SLC17A9: variants seen among roughly 807,000 people sequenced by gnomAD.
SLC17A9 encodes solute carrier family 17 member 9.
Under a neutral mutation model 55.0 loss-of-function variants are expected in SLC17A9, and 49 were observed. The observed-to-expected ratio is 0.89, with a 90% CI of 0.71 to 1.13. The LOEUF is 1.13. SLC17A9 is among the 50% of genes most tolerant of loss of function. The pLI is 0.00. For missense variants in SLC17A9, 526 were observed against 569.3 expected (o/e 0.92, Z 0.77); for synonymous variants, 256 against 247.4 (o/e 1.03, Z -0.32).
intron 6 of SLC17A9, 46 bp from the exon 7 acceptor site, chr20:62,963,538 C>A (rs1442188412): frequency 3.9e-6 from 6 of 1,558,012 alleles, no homozygotes; most frequent in Non-Finnish European, 5.2e-6. Context: ...CAGGCCCGGC[C>A]AGCTCGTGCG....
chr20:62,953,390 T>A, intron 1 of SLC17A9: 1 of 1,279,788 alleles, frequency 7.8e-7, no homozygotes, highest in Non-Finnish European at 1.1e-6. Flanking sequence ...GAGCATTTGG[T>A]GGTGGGGAGA....
At chr20:62,952,924 G>T (rs1170947144) in intron 1 of SLC17A9, 35 bp downstream of exon 1, 17 of 1,411,272 alleles carry the variant, frequency 1.2e-5, no homozygotes, top group Non-Finnish European at 1.3e-5. Context: ...GGGTGGGAGC[G>T]GTGGAGATGG....
chr20:62,956,859 A>G lies in SLC17A9; in HGVS notation c.154A>G (p.Ser52Gly), dbSNP rs2065540988. The change falls in exon 2 of 13, where the codon AGC becomes GGC. Residue 52 changes from serine to glycine, a missense_variant. Transcript: ENST00000370351. ...SSMPICTVSM[S>G]QDFGWNKKEA... is the part of the protein sequence containing the mutation. ...CATGCCCATCTGCACCGTCTCCATG[A>G]GCCAGGACTTCGGCTGGAACAAGAA... is the stretch of plus-strand genomic sequence containing the variant. 6.2e-7 allele frequency: 1 copy of G among 1,613,394 alleles called. No homozygotes were observed. The highest frequency in any genetic ancestry group is 8.5e-7 in the Non-Finnish European group (1 of 1,180,020).
rs1043453384 is a variant in SLC17A9 at position 62,969,578 on chromosome 20, G to T, written c.*2078G>T. ...TTTTTAAGGCTGAATAAAATATTGT[G>T]TGGATAAGCCATGTTTTGTGTATCT... is the stretch of plus-strand genomic sequence containing the variant. On this transcript the variant is annotated 3_prime_UTR_variant, in exon 13 of 13. Coordinates refer to ENST00000370351, the MANE Select transcript of SLC17A9 (RefSeq NM_022082.4). The T allele has an allele frequency of 4.6e-5, 7 of 152,224 alleles. No homozygotes were observed. The highest frequency in any genetic ancestry group is 1.7e-4 in the African/African-American group (7 of 41,456). The allele number at this position is 152,224 out of a possible 1,614,324, so 9.4% of individuals were successfully genotyped here. A position where few individuals can be genotyped will look rare whatever the true frequency, so the allele number is the denominator to read the frequency against.
intron 4 of SLC17A9, among the ~76,000 whole-genome samples, chr20:62,960,973 C>A (rs892679924): frequency 6.6e-6 from 1 of 152,252 alleles, no homozygotes; most frequent in Non-Finnish European, 1.5e-5. Flanking sequence ...TCTGTGAGCG[C>A]AGGAGCGTCT....
At position 62,963,630 on chromosome 20, in the gene SLC17A9, C is replaced by T. The variant is rs1377020679; in HGVS notation, c.772C>T (p.Leu258Phe). The T allele has an allele frequency of 6.2e-7, 1 of 1,604,006 alleles. No homozygotes were observed. Among genetic ancestry groups the T allele is most frequent in the Non-Finnish European group, 8.5e-7 (1 of 1,175,340 alleles). ...CTCTGCAGCCTGCTCCTTCTTCATC[C>T]TCCTCTCCTGGCTGCCCACCTTCTT... ...QLSAACSFFI[L>F]LSWLPTFFEE... The change falls in exon 7 of 13, where the codon CTC (leucine) becomes TTC (phenylalanine). Residue 258 changes from leucine to phenylalanine, a missense_variant. Coordinates refer to ENST00000370351, the MANE Select transcript of SLC17A9 (RefSeq NM_022082.4).
intron 12 of SLC17A9, 144 bp from the exon 13 acceptor site, chr20:62,967,193 T>C: frequency 1.0e-6 from 1 of 975,416 alleles, no homozygotes; most frequent in East Asian, 2.4e-5. Flanking sequence ...GCTGGGACAC[T>C]GAATTCAGCC....
Position 62,962,586 on chromosome 20 carries a change from C to T in SLC17A9, c.498-38C>T, listed in dbSNP as rs763150165. 1.9e-5 allele frequency: 30 copies of T among 1,608,820 alleles called. No homozygotes were observed. Among genetic ancestry groups the T allele is most frequent in the South Asian group, 4.4e-5 (4 of 90,646 alleles). ...AGGCCCCTCCTCACCCGAGGGGTGC[C>T]GCTGAGGGGCCTGGCCACACTCCCC... On this transcript the variant is annotated intron_variant, in intron 4 of 12. Coordinates refer to ENST00000370351, the MANE Select transcript of SLC17A9 (RefSeq NM_022082.4). This position sits in a 1 kb window ranked among gnomAD's most constrained non-coding sequence, Gnocchi z 5.5.
chr20:62,964,324 C>T lies in SLC17A9; in HGVS notation c.910+9C>T, dbSNP rs2065616295. ...TCATCTCATCAATCAGGGTGAGCCC[C>T]AGGGAGGGGACCGGGGCTGGAAGCC... On this transcript the variant is annotated intron_variant, in intron 8 of 12. Transcript: ENST00000370351. 4 of 1,614,050 alleles carry T rather than the reference C, an allele frequency of 2.5e-6. No individual in the cohort carries two copies. The South Asian group carries it at 3.3e-5, about 13-fold the overall frequency.
Position 62,957,496 on chromosome 20 carries a change from G to C in SLC17A9, c.313G>C (p.Ala105Pro), listed in dbSNP as rs2065547168. ...AGCCTCTGCCTGGGGCTCCATCACGGCCGTCACCCCACTGCTCGCCCACCT... is the reference window on the plus strand; with the variant it reads ...AGCCTCTGCCTGGGGCTCCATCACGCCCGTCACCCCACTGCTCGCCCACCT... Reference protein sequence around the residue: ...LSASAWGSITAVTPLLAHLSS... With the variant: ...LSASAWGSITPVTPLLAHLSS... Residue 105 changes from alanine (A) to proline (P), a missense_variant, in exon 3 of 13, where the codon GCC (alanine) becomes CCC (proline). Coordinates refer to ENST00000370351, the MANE Select transcript of SLC17A9 (RefSeq NM_022082.4). The C allele has an allele frequency of 6.2e-7, 1 of 1,609,412 alleles. No homozygotes were observed. The highest frequency in any genetic ancestry group is 1.7e-5 in the Admixed American group (1 of 59,018).
rs1286052920 is a variant in SLC17A9, at chr20:62,969,543, AT to A, written c.*2048del. 6.6e-6 allele frequency: 1 copy of A among 152,054 alleles called. No individual in the cohort carries two copies. Among genetic ancestry groups the A allele is most frequent in the Non-Finnish European group, 1.5e-5 (1 of 68,016 alleles). The allele number at this position is 152,054 out of a possible 1,614,324, so 9.4% of individuals were successfully genotyped here. On this transcript the variant is annotated 3_prime_UTR_variant, in exon 13 of 13. Transcript: ENST00000370351. ...TATCAGTTTTGTCACAAGTGTCAGC[AT>A]TTTTCTCATTTTTAAGGCTGAATAA...
intron 3 of SLC17A9, 85 bp from the exon 4 acceptor site, chr20:62,960,419 G>A: frequency 7.7e-7 from 1 of 1,298,470 alleles, no homozygotes; most frequent in Non-Finnish European, 1.1e-6. Context: ...GACGTCCTCT[G>A]GAATCACAGC....
In SLC17A9 at chr20:62,958,778, T is replaced by C. The variant is rs1291379946; in HGVS notation, c.397+1198T>C. On this transcript the variant is annotated intron_variant, in intron 3 of 12. Coordinates refer to ENST00000370351, the MANE Select transcript of SLC17A9 (RefSeq NM_022082.4). This position sits in a 1 kb window ranked among gnomAD's most constrained non-coding sequence, Gnocchi z 4.1. Reference sequence around the variant, plus strand: ...CTCCCCAAGGTTATGGCCTGGAAGGTGCTGCCTGGGACTGTCTCCATAACA... The same window carrying C: ...CTCCCCAAGGTTATGGCCTGGAAGGCGCTGCCTGGGACTGTCTCCATAACA... 1.3e-5 allele frequency among the ~76,000 whole-genome samples: 2 copies of C among 152,096 alleles called. No homozygotes were observed. Among genetic ancestry groups the C allele is most frequent in the African/African-American group, 4.8e-5 (2 of 41,414 alleles).
In SLC17A9 at chr20:62,958,077, A is replaced by ATG. The variant is rs1284980369; in HGVS notation, c.397+506_397+507dup. Among the ~76,000 whole-genome samples the ATG allele has an allele frequency of 6.6e-6, 1 of 151,314 alleles. No homozygotes were observed. The highest frequency in any genetic ancestry group is 1.5e-5 in the Non-Finnish European group (1 of 67,800). On this transcript the variant is annotated intron_variant, in intron 3 of 12. Transcript: ENST00000370351. This position sits in a 1 kb window ranked among gnomAD's most constrained non-coding sequence, Gnocchi z 4.1. Reference sequence around the variant, plus strand: ...CGTGTGCATGCCTGTATGCATGTGTATGTGTGTGTGCGTTCCTGTATCCAT... The same window carrying ATG: ...CGTGTGCATGCCTGTATGCATGTGTATGTGTGTGTGTGCGTTCCTGTATCCAT...
At position 62,960,601 on chromosome 20, in the gene SLC17A9, T is replaced by C. The variant is rs1568914313; in HGVS notation, c.495T>C (p.Phe165=). 1.2e-6 allele frequency: 2 copies of C among 1,611,186 alleles called. No individual in the cohort carries two copies. The highest frequency in any genetic ancestry group is 8.5e-7 in the Non-Finnish European group (1 of 1,179,432). ...GCATCGTGGGCGCCGGCTCCCAGTTTGGGTAAGTCCTGGCCTAAGACGGGG... is the reference window on the plus strand; with the variant it reads ...GCATCGTGGGCGCCGGCTCCCAGTTCGGGTAAGTCCTGGCCTAAGACGGGG... ...TYSIVGAGSQ[F]GTLLTGAVGS... is the part of the protein sequence containing the mutation. Residue 165 remains phenylalanine (F), a splice_region_variant and synonymous_variant, in exon 4 of 13, where the codon TTT becomes TTC. Transcript: ENST00000370351.
rs1212328869 is a variant in SLC17A9 at position 62,964,946 on chromosome 20, CG to C, written c.911-184del. ...TGGGAACCTTCCAAAGGCGCACATGCGGCCTCGCGGCTGCACCCCACATGCG... is the reference window on the plus strand; with the variant it reads ...TGGGAACCTTCCAAAGGCGCACATGCGCCTCGCGGCTGCACCCCACATGCG... On this transcript the variant is annotated intron_variant, in intron 8 of 12. Coordinates refer to ENST00000370351, the MANE Select transcript of SLC17A9 (RefSeq NM_022082.4). 8 of 620,634 alleles carry C rather than the reference CG, an allele frequency of 1.3e-5. No individual in the cohort carries two copies. In the African/African-American group the frequency reaches 1.5e-4, roughly 11 times the overall value. 38.4% of individuals were successfully genotyped at this position (620,634 alleles called of 1,614,324 possible).
intron 4 of SLC17A9, among the ~76,000 whole-genome samples, chr20:62,961,407 C>T (rs979849812): frequency 6.6e-6 from 1 of 152,146 alleles, no homozygotes; most frequent in Non-Finnish European, 1.5e-5. Context: ...TGCGGCAACC[C>T]CGTGCCCCTC....
Position 62,969,032 on chromosome 20 carries a change from A to G in SLC17A9, c.*1532A>G, listed in dbSNP as rs971396664. ...GCATCACCCCCACAGAGGCTTCGGG[A>G]CGGTCCTGCTGGACTGCTGGACGCT... On this transcript the variant is annotated 3_prime_UTR_variant, in exon 13 of 13. Coordinates refer to ENST00000370351, the MANE Select transcript of SLC17A9 (RefSeq NM_022082.4). 2.6e-5 allele frequency: 4 copies of G among 152,218 alleles called. No homozygotes were observed. Among genetic ancestry groups the G allele is most frequent in the Non-Finnish European group, 5.9e-5 (4 of 68,064 alleles). The allele number at this position is 152,218 out of a possible 1,614,324, so 9.4% of individuals were successfully genotyped here.
rs930668986 is a variant in SLC17A9 at position 62,965,304 on chromosome 20, G to A, written c.945+138G>A. ...CAGGCCTCTCCATGTGTCCAGCACTGGGGCCCAGAAGGGGCTGTTTAGACA... is the reference window on the plus strand; with the variant it reads ...CAGGCCTCTCCATGTGTCCAGCACTAGGGCCCAGAAGGGGCTGTTTAGACA... On this transcript the variant is annotated intron_variant, in intron 9 of 12. Coordinates refer to ENST00000370351, the MANE Select transcript of SLC17A9 (RefSeq NM_022082.4). The A allele has an allele frequency of 1.2e-5, 14 of 1,181,808 alleles. 1 individual carries two copies. In the Admixed American group the frequency reaches 2.6e-4, roughly 22 times the overall value. 73.2% of individuals were successfully genotyped at this position (1,181,808 alleles called of 1,614,324 possible). A position where few individuals can be genotyped will look rare whatever the true frequency, so the allele number is the denominator to read the frequency against.
Sources: gnomAD v4.1 joint callset for allele counts (sites outside exome capture counted in the v4.1 genomes callset) on GRCh38, gnomAD v4.1.1 for gene constraint, Gnocchi (gnomAD v3.1) non-coding constraint, MANE v1.5 for transcripts, NCBI Gene and HGNC (gene_info 2026-07-23, HGNC 2026-07-21) for gene names.